The following PCDHGA8 variants were observed in gnomAD, a reference collection of about 807,000 sequenced individuals.
The protein encoded by PCDHGA8 is protocadherin gamma subfamily A, 8, also known as protocadherin gamma-A8.
Under a neutral mutation model 59.2 loss-of-function variants are expected in PCDHGA8, and 45 were observed. The observed-to-expected ratio is 0.76, with a 90% CI of 0.60 to 0.98. The LOEUF (loss-of-function observed/expected upper bound fraction) is 0.98, where lower values mean the gene tolerates loss of function less well. Ranked by LOEUF, PCDHGA8 falls within the 50% of genes least tolerant of loss-of-function variation. PCDHGA8 has a pLI of 0.00. For synonymous variants in PCDHGA8, 531 were observed against 519.0 expected (o/e 1.02, Z -0.32); for missense variants, 1,257 against 1,196.2 (o/e 1.05, Z -0.75).
rs2099427993 is a variant in PCDHGA8, at chr5:141,477,978, T to C, written c.2425-16829T>C. Reference sequence around the variant, plus strand: ...TCCCCTAACCAGAGCCTTTTTGCCATAGGGCTGCACACTGGTCAAATCAGT... The same window carrying C: ...TCCCCTAACCAGAGCCTTTTTGCCACAGGGCTGCACACTGGTCAAATCAGT... On this transcript the variant is annotated intron_variant, in intron 1 of 3. Coordinates refer to ENST00000398604, the MANE Select transcript of PCDHGA8 (RefSeq NM_032088.2). This position sits in a 1 kb window ranked among gnomAD's most constrained non-coding sequence, Gnocchi z 4.9. 6.2e-7 allele frequency: 1 copy of C among 1,614,120 alleles called. No individual in the cohort carries two copies. Among genetic ancestry groups the C allele is most frequent in the Non-Finnish European group, 8.5e-7 (1 of 1,180,022 alleles).
rs144613597 is a variant in PCDHGA8, at chr5:141,483,029, G to A, written c.2425-11778G>A. 3.9e-3 allele frequency among the ~76,000 whole-genome samples: 588 copies of A among 152,220 alleles called. 6 individuals are homozygous for A. Among genetic ancestry groups the A allele is most frequent in the Admixed American group, 0.011 (169 of 15,280 alleles). ...GAACCCGGGAGGCAGAGGTTGCAAT[G>A]AGCTGGTGTCAGGCCACTGCACTCC... On this transcript the variant is annotated intron_variant, in intron 1 of 3. Transcript: ENST00000398604.
At position 141,476,902 on chromosome 5, in the gene PCDHGA8, C is replaced by T. The variant is rs1399250599; in HGVS notation, c.2425-17905C>T. ...TGGAGGATGCACCCTCCGGCACGCG[C>T]GTGGTACAAGTCCTTGCAACGGATC... On this transcript the variant is annotated intron_variant, in intron 1 of 3. Transcript: ENST00000398604. This position sits in a 1 kb window ranked among gnomAD's most constrained non-coding sequence, Gnocchi z 7.6. 2 of 1,613,998 alleles carry T rather than the reference C, an allele frequency of 1.2e-6. No individual in the cohort carries two copies. The highest frequency in any genetic ancestry group is 1.7e-6 in the Non-Finnish European group (2 of 1,180,034).
chr5:141,411,724 A>G (rs2095509404), intron 1 of PCDHGA8: 1 of 152,684 alleles, frequency 6.5e-6, no homozygotes, highest in South Asian at 2.1e-4. Flanking sequence ...GCTACAGAAC[A>G]TTTAAAAATT....
intron 1 of PCDHGA8, among the ~76,000 whole-genome samples, chr5:141,453,067 C>T (rs1227122711): frequency 1.3e-5 from 2 of 152,024 alleles, no homozygotes; most frequent in Admixed American, 6.6e-5. Flanking sequence ...AGAGTTTTGC[C>T]ACACTCTGGT....
chr5:141,451,860 C>T, intron 1 of PCDHGA8, among the ~76,000 whole-genome samples: 1 of 151,832 alleles, frequency 6.6e-6, no homozygotes, highest in Non-Finnish European at 1.5e-5. Flanking sequence ...CAGCCTAGGC[C>T]ACAGAATGAA....
At chr5:141,413,993 G>A (rs756042576) in intron 1 of PCDHGA8, 2 of 1,613,486 alleles carry the variant, frequency 1.2e-6, no homozygotes, top group Non-Finnish European at 1.7e-6. Context: ...GCCACCGACA[G>A]GGACGAAGGT....
At chr5:141,403,240 T>A (rs948095468) in intron 1 of PCDHGA8, 2 of 1,613,926 alleles carry the variant, frequency 1.2e-6, no homozygotes, top group Admixed American at 3.3e-5. Flanking sequence ...AGGAGCTCTG[T>A]GCTCAGAGCC....
At chr5:141,461,794 C>T (rs191966750) in intron 1 of PCDHGA8, among the ~76,000 whole-genome samples, 7 of 152,134 alleles carry the variant, frequency 4.6e-5, no homozygotes, top group African/African-American at 1.7e-4. Flanking sequence ...GCTGGGATTA[C>T]AGGTGCCCAC....
chr5:141,497,540 CTT>C (rs754207034), intron 2 of PCDHGA8, among the ~76,000 whole-genome samples: 114 of 134,852 alleles, frequency 8.5e-4, no homozygotes, highest in Middle Eastern at 3.7e-3. Context: ...TGCAACAAAC[CTT>C]TTTTTTTTTT....
rs756915110 is a variant in PCDHGA8, at chr5:141,490,431, T to C, written c.2425-4376T>C. 6 of 1,614,036 alleles carry C rather than the reference T, an allele frequency of 3.7e-6. No individual in the cohort carries two copies. In the South Asian group the frequency reaches 6.6e-5, roughly 18 times the overall value. ...TCTCTCCGGACCTGCCATTTCAGATTAAGCCTTCTGAGAACCACTACTCGC... is the reference window on the plus strand; with the variant it reads ...TCTCTCCGGACCTGCCATTTCAGATCAAGCCTTCTGAGAACCACTACTCGC... On this transcript the variant is annotated intron_variant, in intron 1 of 3. Transcript: ENST00000398604. The surrounding 1 kb of genome is among the most constrained non-coding windows in gnomAD (Gnocchi z 5.4).
chr5:141,413,446 G>T, intron 1 of PCDHGA8: 4 of 1,614,130 alleles, frequency 2.5e-6, no homozygotes, highest in Non-Finnish European at 3.4e-6. Context: ...CTTGATCACC[G>T]CGGGCAGGAT....
At chr5:141,433,560 G>A (rs1276743163) in intron 1 of PCDHGA8, among the ~76,000 whole-genome samples, 1 of 152,110 alleles carries the variant, frequency 6.6e-6, no homozygotes, top group East Asian at 1.9e-4. Flanking sequence ...TTCTGGCTGG[G>A]CGCGGTGGCT....
intron 1 of PCDHGA8, among the ~76,000 whole-genome samples, chr5:141,457,729 T>A (rs950979422): frequency 2.0e-5 from 3 of 152,236 alleles, no homozygotes; most frequent in Non-Finnish European, 4.4e-5. Context: ...GAATTTCAGA[T>A]TAGACTTTTA....
chr5:141,471,208 C>G (rs559571022), intron 1 of PCDHGA8: 1 of 151,664 alleles, frequency 6.6e-6, no homozygotes, highest in Non-Finnish European at 1.5e-5. Context: ...CACCCCCATG[C>G]CTGGCAATTT....
chr5:141,491,800 C>T lies in PCDHGA8; in HGVS notation c.2425-3007C>T. The T allele has an allele frequency of 6.7e-7, 1 of 1,500,854 alleles. No individual in the cohort carries two copies. Among genetic ancestry groups the T allele is most frequent in the Non-Finnish European group, 8.9e-7 (1 of 1,125,316 alleles). 93.0% of individuals were successfully genotyped at this position (1,500,854 alleles called of 1,614,324 possible). A position where few individuals can be genotyped will look rare whatever the true frequency, so the allele number is the denominator to read the frequency against. Reference sequence around the variant, plus strand: ...GAACTTGCATCCACTCCTCTCCGGCCGGCTTGGTCGCTGGCTGCGCTCCAC... The same window carrying T: ...GAACTTGCATCCACTCCTCTCCGGCTGGCTTGGTCGCTGGCTGCGCTCCAC... On this transcript the variant is annotated intron_variant, in intron 1 of 3. Transcript: ENST00000398604. The surrounding 1 kb of genome is among the most constrained non-coding windows in gnomAD (Gnocchi z 6.9).
intron 1 of PCDHGA8, among the ~76,000 whole-genome samples, chr5:141,474,029 C>T (rs1047673843): frequency 6.6e-6 from 1 of 152,092 alleles, no homozygotes; most frequent in Non-Finnish European, 1.5e-5. Context: ...ATGATTATTC[C>T]ACTGTACTCC....
rs773942024 is a variant in PCDHGA8, at chr5:141,433,234, C to G, written c.2424+37997C>G. 3.3e-6 allele frequency: 5 copies of G among 1,512,860 alleles called. No homozygotes were observed. In the South Asian group the frequency reaches 5.0e-5, roughly 15 times the overall value. The allele number at this position is 1,512,860 out of a possible 1,614,324, so 93.7% of individuals were successfully genotyped here. A position where few individuals can be genotyped will look rare whatever the true frequency, so the allele number is the denominator to read the frequency against. On this transcript the variant is annotated intron_variant, in intron 1 of 3. Coordinates refer to ENST00000398604, the MANE Select transcript of PCDHGA8 (RefSeq NM_032088.2). ...TTTTTTTTTTTTAATTGCTCTGTCT[C>G]CCAAGCTGGAATGCAGCGGTACGAT...
intron 1 of PCDHGA8, chr5:141,427,761 G>A (rs1228905550): frequency 3.7e-6 from 5 of 1,366,246 alleles, no homozygotes; most frequent in Non-Finnish European, 4.1e-6. Flanking sequence ...CGTTACCACT[G>A]ACTTGGAGCT....
At chr5:141,395,398 T>A (rs976008795) in intron 1 of PCDHGA8, 161 bp downstream of exon 1, 8 of 863,662 alleles carry the variant, frequency 9.3e-6, no homozygotes, top group South Asian at 2.0e-5. Context: ...TGAACTCTAA[T>A]AGTCATAGGT....
Sources: gnomAD v4.1 joint callset for allele counts (sites outside exome capture counted in the v4.1 genomes callset) on GRCh38, gnomAD v4.1.1 for gene constraint, Gnocchi (gnomAD v3.1) non-coding constraint, MANE v1.5 for transcripts, NCBI Gene and HGNC (gene_info 2026-07-23, HGNC 2026-07-21) for gene names.